RASAL2: variants seen among roughly 807,000 people sequenced by gnomAD.
RASAL2 encodes the protein ras GTPase-activating protein nGAP.
In RASAL2, 58 loss-of-function variants were observed where a neutral mutation model predicts 128.9. The observed-to-expected ratio is 0.45, with a 90% confidence interval of 0.36 to 0.56. RASAL2 has a LOEUF of 0.56. Ranked by LOEUF, RASAL2 falls within the 20% of genes least tolerant of loss-of-function variation. RASAL2 has a pLI of 0.00. For synonymous variants in RASAL2, 561 were observed against 580.8 expected (o/e 0.97, Z 0.49); for missense variants, 1,360 against 1,601.6 (o/e 0.85, Z 2.57).
At chr1:178,350,114 C>T (rs1670380192) in intron 3 of RASAL2, among the ~76,000 whole-genome samples, 1 of 152,184 alleles carries the variant, frequency 6.6e-6, no homozygotes, top group Non-Finnish European at 1.5e-5. Context: ...TTTACTCAAA[C>T]TTGATGTTTT....
chr1:178,200,381 G>C (rs1392709884), intron 1 of RASAL2, among the ~76,000 whole-genome samples: 1 of 152,212 alleles, frequency 6.6e-6, no homozygotes, highest in Non-Finnish European at 1.5e-5. Flanking sequence ...CTGATGCGCT[G>C]CTCCTGAGAG....
At chr1:178,212,084 T>A (rs11585355) in intron 1 of RASAL2, among the ~76,000 whole-genome samples, 1 of 152,012 alleles carries the variant, frequency 6.6e-6, no homozygotes, top group South Asian at 2.1e-4. Flanking sequence ...GTTTATGAGG[T>A]CCCTTCTTTT....
intron 1 of RASAL2, among the ~76,000 whole-genome samples, chr1:178,169,287 C>T (rs1394536343): frequency 6.6e-6 from 1 of 152,102 alleles, no homozygotes; most frequent in Non-Finnish European, 1.5e-5. Context: ...GTTGTATTCA[C>T]ATAACTTAGA....
At chr1:178,126,617 C>G (rs944988474) in intron 1 of RASAL2, among the ~76,000 whole-genome samples, 4 of 152,202 alleles carry the variant, frequency 2.6e-5, no homozygotes, top group Non-Finnish European at 5.9e-5. Context: ...TTTCTGAAAT[C>G]TATTTAAATA....
chr1:178,117,099 A>G (rs1268960931), intron 1 of RASAL2, among the ~76,000 whole-genome samples: 1 of 152,208 alleles, frequency 6.6e-6, no homozygotes, highest in African/African-American at 2.4e-5. Context: ...GATTTATGCC[A>G]TATATTGAAG....
chr1:178,096,472 G>GTA (rs1658688929), intron 1 of RASAL2, among the ~76,000 whole-genome samples: 1 of 151,338 alleles, frequency 6.6e-6, no homozygotes, highest in African/African-American at 2.4e-5. Flanking sequence ...TTTTGTGTGT[G>GTA]TGTGTGTGTG....
At chr1:178,452,245 T>C (rs1444270848) in intron 10 of RASAL2, among the ~76,000 whole-genome samples, 171 bp from the exon 11 acceptor site, 1 of 152,154 alleles carries the variant, frequency 6.6e-6, no homozygotes, top group Non-Finnish European at 1.5e-5. Flanking sequence ...CTCTGTGAAT[T>C]TTCCACCGCC....
intron 1 of RASAL2, among the ~76,000 whole-genome samples, chr1:178,201,431 C>T (rs776399339): frequency 3.9e-5 from 6 of 152,138 alleles, no homozygotes; most frequent in Admixed American, 6.5e-5. Flanking sequence ...CCTACTCATC[C>T]CAGCTGGAAG....
At chr1:178,180,663 T>TCTCACACACACACA (rs1553256843) in intron 1 of RASAL2, among the ~76,000 whole-genome samples, 37 of 139,210 alleles carry the variant, frequency 2.7e-4, no homozygotes, top group Non-Finnish European at 3.7e-4. Context: ...CGAGACTGTC[T>TCTCACACACACACA]CACACACACA....
Position 178,458,489 on chromosome 1 carries a change from C to G in RASAL2, c.3197C>G (p.Ser1066Cys). ...GSRSRQQSSS[S>C]RESPVPKVRA... is the part of the protein sequence containing the mutation. ...CGGTCCCGGCAGCAGTCCTCTTCCTCCAGAGAGAGCCCTGTTCCCAAAGTT... is the reference window on the plus strand; with the variant it reads ...CGGTCCCGGCAGCAGTCCTCTTCCTGCAGAGAGAGCCCTGTTCCCAAAGTT... The change falls in exon 14 of 18, where the codon TCC (serine) becomes TGC (cysteine). Residue 1066 changes from serine (S) to cysteine (C), a missense_variant. Physicochemically the swap from Ser to Cys is moderately radical, Grantham distance 112. Around this residue, in one of 3 missense-constraint regions of RASAL2, gnomAD observed 741 missense variants for 868.6 expected, o/e 0.85. Transcript: ENST00000367649. 3.7e-6 allele frequency: 6 copies of G among 1,613,916 alleles called. No individual in the cohort carries two copies. Among genetic ancestry groups the G allele is most frequent in the Non-Finnish European group, 5.1e-6 (6 of 1,179,898 alleles).
At chr1:178,260,662 A>G (rs1356609918) in intron 1 of RASAL2, among the ~76,000 whole-genome samples, 1 of 151,776 alleles carries the variant, frequency 6.6e-6, no homozygotes, top group Non-Finnish European at 1.5e-5. Context: ...CTATATCCTA[A>G]ATAACTAACT....
At chr1:178,344,681 GAGA>G (rs533183063) in intron 3 of RASAL2, among the ~76,000 whole-genome samples, 46 of 152,286 alleles carry the variant, frequency 3.0e-4, no homozygotes, top group African/African-American at 1.0e-3. Flanking sequence ...CAGTTGTAGT[GAGA>G]AGGAGAAGGA....
chr1:178,390,885 AC>A (rs1672864859), intron 4 of RASAL2, among the ~76,000 whole-genome samples: 1 of 152,016 alleles, frequency 6.6e-6, no homozygotes, highest in Non-Finnish European at 1.5e-5. Flanking sequence ...TTTTTTAGGA[AC>A]GGGATGTGGT....
chr1:178,139,715 A>G (rs980274729), intron 1 of RASAL2, among the ~76,000 whole-genome samples: 8 of 151,950 alleles, frequency 5.3e-5, no homozygotes, highest in Admixed American at 4.6e-4. Flanking sequence ...GTCAGTTGTC[A>G]TAAGTTTTTT....
chr1:178,198,903 A>G lies in RASAL2; in HGVS notation c.203-84661A>G, dbSNP rs191553988. 8.3e-4 allele frequency among the ~76,000 whole-genome samples: 127 copies of G among 152,292 alleles called. 1 individual carries two copies. The highest frequency in any genetic ancestry group is 2.9e-3 in the African/African-American group (120 of 41,566). ...CAGAAGTTTTTGTTGTGTTTTGTTC[A>G]GCTGTGCCCTGCCCCCAGAGGTGGA... is the stretch of plus-strand genomic sequence containing the variant. On this transcript the variant is annotated intron_variant, in intron 1 of 17. Coordinates refer to ENST00000367649, the MANE Select transcript of RASAL2 (RefSeq NM_170692.4).
At chr1:178,206,609 C>T (rs1663058072) in intron 1 of RASAL2, among the ~76,000 whole-genome samples, 1 of 152,186 alleles carries the variant, frequency 6.6e-6, no homozygotes, top group African/African-American at 2.4e-5. Flanking sequence ...TCACTGTCTT[C>T]TTTATCAATT....
chr1:178,212,679 A>G (rs891055875), intron 1 of RASAL2, among the ~76,000 whole-genome samples: 1 of 151,976 alleles, frequency 6.6e-6, no homozygotes, highest in South Asian at 2.1e-4. Flanking sequence ...TTTAGTAGAG[A>G]TGGGGTCTCA....
intron 3 of RASAL2, among the ~76,000 whole-genome samples, chr1:178,328,374 A>G (rs1199030840): frequency 2.6e-5 from 4 of 152,194 alleles, no homozygotes; most frequent in African/African-American, 7.2e-5. Context: ...AGTGGTATCT[A>G]TCACCTCAAG....
intron 3 of RASAL2, chr1:178,341,551 G>A: frequency 6.2e-7 from 1 of 1,613,682 alleles, no homozygotes; most frequent in Non-Finnish European, 8.5e-7. Flanking sequence ...GTTTCTGACT[G>A]GCGTGCCGGA....
Sources: gnomAD v4.1 joint callset for allele counts (sites outside exome capture counted in the v4.1 genomes callset) on GRCh38, gnomAD v4.1.1 for gene constraint, gnomAD v4.1.1 regional missense constraint, MANE v1.5 for transcripts, NCBI Gene and HGNC (gene_info 2026-07-23, HGNC 2026-07-21) for gene names.